Variants in RIMBP2 observed in about 807,000 individuals in gnomAD.
RIMBP2 encodes the protein RIMS-binding protein 2.
Under a neutral mutation model 118.6 loss-of-function variants are expected in RIMBP2, and 48 were observed. The ratio of observed to expected loss-of-function variants is 0.40; its 90% CI spans 0.32 to 0.51. RIMBP2 has a LOEUF of 0.51. Ranked by LOEUF, RIMBP2 falls within the 20% of genes least tolerant of loss-of-function variation. The pLI, the probability that RIMBP2 is intolerant of heterozygous loss-of-function variation, is 0.41. For missense variants in RIMBP2, 1,551 were observed against 1,768.3 expected (o/e 0.88, Z 2.20); for synonymous variants, 762 against 742.9 (o/e 1.03, Z -0.42).
chr12:130,613,408 C>G (rs1288265939), intron 2 of RIMBP2, among the ~76,000 whole-genome samples: 2 of 152,070 alleles, frequency 1.3e-5, no homozygotes, highest in African/African-American at 4.8e-5. Context: ...GTGAGGAAGT[C>G]CAGTGAGCCC....
intron 2 of RIMBP2, among the ~76,000 whole-genome samples, chr12:130,564,581 A>G (rs1411351470): frequency 6.6e-6 from 1 of 152,218 alleles, no homozygotes; most frequent in East Asian, 1.9e-4. Context: ...TGAAAAAAGG[A>G]AGGGAATTCT....
In RIMBP2 at chr12:130,682,743, C is replaced by T. The variant is rs1048492090; in HGVS notation, c.-352+33479G>A. Reference sequence around the variant, plus strand: ...CAGTCACTCAGGCATTAGGAGGCAGCGCCCAATCTCTGCTTCCCAGACTTC... The same window carrying T: ...CAGTCACTCAGGCATTAGGAGGCAGTGCCCAATCTCTGCTTCCCAGACTTC... On this transcript the variant is annotated intron_variant, in intron 1 of 22. Coordinates refer to ENST00000690449, the MANE Select transcript of RIMBP2 (RefSeq NM_001393629.1). Among the ~76,000 whole-genome samples the T allele has an allele frequency of 3.3e-5, 5 of 152,190 alleles. No homozygotes were observed. In the South Asian group the frequency reaches 6.2e-4, roughly 19 times the overall value.
Position 130,690,455 on chromosome 12 carries a change from A to C in RIMBP2, c.-352+25767T>G, listed in dbSNP as rs1228380706. Among the ~76,000 whole-genome samples the C allele has an allele frequency of 2.0e-5, 3 of 152,272 alleles. No homozygotes were observed. The East Asian group carries it at 5.8e-4, about 29-fold the overall frequency. ...ACCATGAGGCAAGGACCCATTTCAGAATGCAGAAAGAAGAAGAAACACAGA... is the reference window on the plus strand; with the variant it reads ...ACCATGAGGCAAGGACCCATTTCAGCATGCAGAAAGAAGAAGAAACACAGA... On this transcript the variant is annotated intron_variant, in intron 1 of 22. Coordinates refer to ENST00000690449, the MANE Select transcript of RIMBP2 (RefSeq NM_001393629.1).
intron 1 of RIMBP2, among the ~76,000 whole-genome samples, chr12:130,701,281 G>C (rs917623088): frequency 2.6e-5 from 4 of 152,238 alleles, no homozygotes; most frequent in African/African-American, 9.6e-5. Flanking sequence ...GGGGTGGACA[G>C]CTTTGCCAAG....
chr12:130,417,738 AGTTT>A (rs924617830), intron 17 of RIMBP2, among the ~76,000 whole-genome samples: 107 of 152,388 alleles, frequency 7.0e-4, no homozygotes, highest in African/African-American at 2.5e-3. Context: ...AAAAGTTGAA[AGTTT>A]ATTTTAAGAA....
At chr12:130,646,048 C>T (rs148401166) in intron 1 of RIMBP2, among the ~76,000 whole-genome samples, 23,913 of 114,384 alleles carry the variant, frequency 0.21, 2,847 homozygotes, top group Middle Eastern at 0.27. Context: ...GTTCCCTCTC[C>T]ACCTCCCTCA....
Position 130,439,430 on chromosome 12 carries a change from TATGTGGGTGTGTGG to T in RIMBP2, c.1505-928_1505-915del, listed in dbSNP as rs1406028441. 3.3e-5 allele frequency among the ~76,000 whole-genome samples: 5 copies of T among 149,484 alleles called. No individual in the cohort carries two copies. In the East Asian group the frequency reaches 6.2e-4, roughly 18 times the overall value. Reference sequence around the variant, plus strand: ...ATATATGTGTATATGGGTATATGTGTATGTGGGTGTGTGGGTGTGGGTGTGTGGGTGTGTATGTA... The same window carrying T: ...ATATATGTGTATATGGGTATATGTGTGTGTGGGTGTGTGGGTGTGTATGTA... On this transcript the variant is annotated intron_variant, in intron 11 of 22. Transcript: ENST00000690449.
intron 2 of RIMBP2, among the ~76,000 whole-genome samples, chr12:130,611,588 G>A (rs1454553352): frequency 7.9e-5 from 12 of 152,216 alleles, no homozygotes; most frequent in South Asian, 6.2e-4. Context: ...ATTTACCTCC[G>A]TAGCCTGGGC....
chr12:130,617,380 G>A lies in RIMBP2; in HGVS notation c.-217+10942C>T, dbSNP rs1367146955. ...TTCCTCTCCCTCCTCACTGGAAGGA[G>A]TGAGTCACCATCTCCCTTCACCAGA... On this transcript the variant is annotated intron_variant, in intron 2 of 22. Transcript: ENST00000690449. This position sits in a 1 kb window ranked among gnomAD's most constrained non-coding sequence, Gnocchi z 4.6. Among the ~76,000 whole-genome samples the A allele has an allele frequency of 2.0e-5, 3 of 152,236 alleles. No individual in the cohort carries two copies. Among genetic ancestry groups the A allele is most frequent in the Non-Finnish European group, 4.4e-5 (3 of 68,046 alleles).
rs916258713 is a variant in RIMBP2, at chr12:130,399,570, G to A, written c.3900+109C>T. On this transcript the variant is annotated intron_variant, in intron 22 of 22. Coordinates refer to ENST00000690449, the MANE Select transcript of RIMBP2 (RefSeq NM_001393629.1). The stretch of plus-strand genomic sequence containing the variant: ...AGGGCAGAGAAAAAAAATTCAGGGT[G>A]TATTTACGCTTTTCGGCCCAAGATA... The A allele has an allele frequency of 9.3e-6, 12 of 1,294,550 alleles. 1 individual carries two copies. The highest frequency in any genetic ancestry group is 4.7e-5 in the East Asian group (2 of 42,958). The allele number at this position is 1,294,550 out of a possible 1,614,324, so 80.2% of individuals were successfully genotyped here.
At chr12:130,567,495 C>T (rs1237787485) in intron 2 of RIMBP2, among the ~76,000 whole-genome samples, 1 of 152,218 alleles carries the variant, frequency 6.6e-6, no homozygotes, top group Non-Finnish European at 1.5e-5. Context: ...CCTTCTATCC[C>T]CCACTCTGCC....
chr12:130,509,219 C>G lies in RIMBP2; in HGVS notation c.-126-2449G>C, dbSNP rs76307784. On this transcript the variant is annotated intron_variant, in intron 3 of 22. Transcript: ENST00000690449. Reference sequence around the variant, plus strand: ...CCACATCTAGGCCACTTGAACAGGACAGTTTATGCTGAACACCTTTCCTTC... The same window carrying G: ...CCACATCTAGGCCACTTGAACAGGAGAGTTTATGCTGAACACCTTTCCTTC... Among the ~76,000 whole-genome samples, 1,081 of 152,326 alleles carry G rather than the reference C, an allele frequency of 7.1e-3. 16 individuals carry two copies. Among genetic ancestry groups the G allele is most frequent in the African/African-American group, 0.024 (1,001 of 41,576 alleles).
intron 2 of RIMBP2, among the ~76,000 whole-genome samples, chr12:130,520,505 C>A (rs1369283130): frequency 2.0e-5 from 3 of 151,602 alleles, no homozygotes; most frequent in African/African-American, 4.8e-5. Flanking sequence ...CTACTAAAAA[C>A]ACACACACAC....
intron 2 of RIMBP2, among the ~76,000 whole-genome samples, chr12:130,566,089 A>C (rs1032623614): frequency 2.0e-5 from 3 of 152,120 alleles, no homozygotes; most frequent in Non-Finnish European, 4.4e-5. Context: ...CAAAGGCTGT[A>C]ATCTGCCAGC....
chr12:130,524,369 G>A (rs532700644), intron 2 of RIMBP2, among the ~76,000 whole-genome samples: 127 of 150,352 alleles, frequency 8.4e-4, no homozygotes, highest in African/African-American at 3.0e-3. Context: ...CCAGATTCCC[G>A]GTGGCCTCAA....
intron 2 of RIMBP2, among the ~76,000 whole-genome samples, chr12:130,544,712 GCC>G (rs1307857369): frequency 1.4e-5 from 2 of 143,128 alleles, no homozygotes; most frequent in African/African-American, 2.6e-5. Context: ...TGATTCTCCT[GCC>G]TCAGCCTCCC....
At position 130,407,725 on chromosome 12, in the gene RIMBP2, C is replaced by T. The variant is rs766287037; in HGVS notation, c.3693+1G>A. 1 of 1,612,586 alleles carries T rather than the reference C, an allele frequency of 6.2e-7. No individual in the cohort carries two copies. Among genetic ancestry groups the T allele is most frequent in the Non-Finnish European group, 8.5e-7 (1 of 1,178,648 alleles). Reference sequence around the variant, plus strand: ...CATGAAGTGCAGTGTTTGGCTGGTACCTCGACATCGACGTTGGGCGAGCTT... The same window carrying T: ...CATGAAGTGCAGTGTTTGGCTGGTATCTCGACATCGACGTTGGGCGAGCTT... On this transcript the variant is annotated splice_donor_variant, in intron 20 of 22. Coordinates refer to ENST00000690449, the MANE Select transcript of RIMBP2 (RefSeq NM_001393629.1). LOFTEE classifies it high-confidence loss of function.
chr12:130,437,659 A>G (rs1351952993), intron 12 of RIMBP2, among the ~76,000 whole-genome samples: 2 of 152,196 alleles, frequency 1.3e-5, no homozygotes, highest in Admixed American at 6.5e-5. Context: ...GCAGAGGCCA[A>G]CGTGGGCTTC....
chr12:130,686,547 C>T (rs2065053633), intron 1 of RIMBP2, among the ~76,000 whole-genome samples: 1 of 152,254 alleles, frequency 6.6e-6, no homozygotes, highest in Admixed American at 6.5e-5. Flanking sequence ...ATTTAAATCA[C>T]TGCTGAGATG....
Sources: allele counts gnomAD v4.1 joint callset (sites outside exome capture counted in the v4.1 genomes callset), GRCh38; gene constraint gnomAD v4.1.1; non-coding constraint Gnocchi (gnomAD v3.1); transcripts MANE v1.5; gene names NCBI Gene and HGNC (gene_info 2026-07-23, HGNC 2026-07-21).